PNPLA7: variants seen among roughly 807,000 people sequenced by gnomAD.
PNPLA7 encodes patatin-like phospholipase domain-containing protein 7.
PNPLA7 carries 153 observed loss-of-function variants against 161.7 expected under a neutral mutation model. That is an observed-to-expected ratio of 0.95 (90% CI 0.83 to 1.08). The LOEUF is 1.08. Among genes scored for constraint, PNPLA7 ranks in the 50% least tolerant of loss-of-function variants. The pLI is 0.00. For missense variants in PNPLA7, 1,739 were observed against 1,856.6 expected, an observed-to-expected ratio of 0.94 and a Z score of 1.16; for synonymous variants, 809 against 782.1, an observed-to-expected ratio of 1.03 and a Z score of -0.57.
At chr9:137,530,153 G>T (rs1270700745) in intron 8 of PNPLA7, among the ~76,000 whole-genome samples, 4 of 151,656 alleles carry the variant, frequency 2.6e-5, no homozygotes, top group Non-Finnish European at 5.9e-5. Flanking sequence ...TTTTAGTGGA[G>T]ACAGGGTTTA....
Position 137,467,638 on chromosome 9 carries a change from C to T in PNPLA7, c.2883-165G>A, listed in dbSNP as rs201982382. Among the ~76,000 whole-genome samples the T allele has an allele frequency of 2.6e-5, 4 of 152,382 alleles. No homozygotes were observed. In the East Asian group the frequency reaches 7.7e-4, roughly 29 times the overall value. On this transcript the variant is annotated intron_variant, in intron 25 of 34. Transcript: ENST00000406427. This position sits in a 1 kb window ranked among gnomAD's most constrained non-coding sequence, Gnocchi z 5.1. ...AAAACCCCTCTTTCCGGGCTCACGC[C>T]TGTCATCTCAGCACTTTGGGAGGCC...
rs1388644576 is a variant in PNPLA7 at position 137,540,625 on chromosome 9, G to A, written c.747+17C>T. The stretch of plus-strand genomic sequence containing the variant: ...CAACCCAGGGGCGCCCGGAGGGCCA[G>A]GCAGCGGGGGACTCACGGTGATGAT... On this transcript the variant is annotated intron_variant, in intron 8 of 34. Transcript: ENST00000406427. The surrounding 1 kb of genome is among the most constrained non-coding windows in gnomAD (Gnocchi z 5.1). The A allele has an allele frequency of 6.2e-7, 1 of 1,603,802 alleles. No homozygotes were observed. The highest frequency in any genetic ancestry group is 8.5e-7 in the Non-Finnish European group (1 of 1,175,622).
chr9:137,460,762 C>G (rs1831144113), intron 33 of PNPLA7, 25 bp from the exon 34 acceptor site: 1 of 1,595,944 alleles, frequency 6.3e-7, no homozygotes, highest in Non-Finnish European at 8.6e-7. Flanking sequence ...AGGGCTGCGT[C>G]AGTCCCCTCC....
At chr9:137,494,618 C>A (rs148978736) in intron 19 of PNPLA7, among the ~76,000 whole-genome samples, 566 of 151,180 alleles carry the variant, frequency 3.7e-3, no homozygotes, top group African/African-American at 0.013. Flanking sequence ...TCACCTGCTC[C>A]GTGACCTCAT....
At chr9:137,483,167 T>C (rs1002448929) in intron 21 of PNPLA7, among the ~76,000 whole-genome samples, 1 of 151,880 alleles carries the variant, frequency 6.6e-6, no homozygotes. Flanking sequence ...CCACCACGCC[T>C]GGCTTAAAAA....
intron 9 of PNPLA7, among the ~76,000 whole-genome samples, chr9:137,522,318 C>T (rs1564349939): frequency 6.6e-6 from 1 of 151,610 alleles, no homozygotes; most frequent in East Asian, 1.9e-4. Flanking sequence ...TCGTGATCCG[C>T]CCACCTCGGC....
At chr9:137,465,542 T>C (rs537478002) in intron 26 of PNPLA7, among the ~76,000 whole-genome samples, 10 of 152,306 alleles carry the variant, frequency 6.6e-5, no homozygotes, top group African/African-American at 1.9e-4. Context: ...CCTGGGGCCG[T>C]CCTGCTGCAT....
intron 32 of PNPLA7, 94 bp downstream of exon 32, chr9:137,461,837 A>T (rs1480412501): frequency 3.7e-6 from 5 of 1,357,986 alleles, no homozygotes; most frequent in Non-Finnish European, 4.9e-6. Flanking sequence ...TGGCCTGAGG[A>T]GCTGGGCGTG....
chr9:137,529,258 GT>G (rs1294460715), intron 8 of PNPLA7, among the ~76,000 whole-genome samples: 1 of 152,200 alleles, frequency 6.6e-6, no homozygotes, highest in African/African-American at 2.4e-5. Context: ...GCCTCCCACA[GT>G]GCTGGGATTA....
In PNPLA7 at chr9:137,478,070, T is replaced by C; in HGVS notation, c.2846A>G (p.Asn949Ser). 7.1e-7 allele frequency: 1 copy of C among 1,416,632 alleles called. No homozygotes were observed. Among genetic ancestry groups the C allele is most frequent in the Non-Finnish European group, 9.2e-7 (1 of 1,082,116 alleles). The allele number at this position is 1,416,632 out of a possible 1,614,324, so 87.8% of individuals were successfully genotyped here. The part of the protein sequence containing the change: ...FSRLARVLTG[N>S]AIALVLGGGG... ...TCCCCCAAGCACCAGGGCAATGGCG[T>C]TGCCCGTCAGCACCCTCGCCAGGCG... The change falls in exon 25 of 35, where the codon AAC becomes AGC. Residue 949 changes from asparagine (N) to serine (S), a missense_variant. Asn to Ser is a conservative substitution (Grantham distance 46, BLOSUM62 1). Transcript: ENST00000406427.
intron 19 of PNPLA7, among the ~76,000 whole-genome samples, chr9:137,494,290 C>T (rs1832920798): frequency 6.6e-6 from 1 of 152,134 alleles, no homozygotes. Flanking sequence ...GTGAGAGTCA[C>T]TTCCCTTTCC....
In PNPLA7 at chr9:137,490,444, G is replaced by A. The variant is rs982439465; in HGVS notation, c.2197+2569C>T. Among the ~76,000 whole-genome samples the A allele has an allele frequency of 6.6e-6, 1 of 152,196 alleles. No individual in the cohort carries two copies. The highest frequency in any genetic ancestry group is 1.5e-5 in the Non-Finnish European group (1 of 68,040). ...GAGAAATGATGCGTTACCTACTGGAGAACATCTGGATACCTGGATCCTTCA... is the reference window on the plus strand; with the variant it reads ...GAGAAATGATGCGTTACCTACTGGAAAACATCTGGATACCTGGATCCTTCA... On this transcript the variant is annotated intron_variant, in intron 20 of 34. Transcript: ENST00000406427. The surrounding 1 kb of genome is among the most constrained non-coding windows in gnomAD (Gnocchi z 4.1).
chr9:137,515,320 G>C, intron 12 of PNPLA7, 59 bp downstream of exon 12: 1 of 1,565,998 alleles, frequency 6.4e-7, no homozygotes, highest in Non-Finnish European at 8.6e-7. Flanking sequence ...CTCAGCCTGG[G>C]TCTCAGATGC....
intron 12 of PNPLA7, among the ~76,000 whole-genome samples, chr9:137,507,221 T>C (rs191897506): frequency 3.3e-4 from 50 of 152,328 alleles, no homozygotes; most frequent in African/African-American, 1.2e-3. Flanking sequence ...TTTAAAAAAA[T>C]CCGAACTGGA....
chr9:137,470,324 G>A (rs1831651955), intron 25 of PNPLA7, among the ~76,000 whole-genome samples: 1 of 152,092 alleles, frequency 6.6e-6, no homozygotes, highest in Non-Finnish European at 1.5e-5. Flanking sequence ...CCTCTTGGAA[G>A]GTTTTATGTA....
At chr9:137,470,662 CG>C (rs1391061849) in intron 25 of PNPLA7, among the ~76,000 whole-genome samples, 1 of 152,188 alleles carries the variant, frequency 6.6e-6, no homozygotes, top group African/African-American at 2.4e-5. Flanking sequence ...ATACCAAACC[CG>C]GTAAAGACAT....
rs1254821201 is a variant in PNPLA7 at position 137,461,977 on chromosome 9, T to C, written c.3710A>G (p.Lys1237Arg). The C allele has an allele frequency of 6.2e-7, 1 of 1,600,380 alleles. No individual in the cohort carries two copies. Among genetic ancestry groups the C allele is most frequent in the African/African-American group, 1.3e-5 (1 of 74,872 alleles). The change falls in exon 32 of 35, where the codon AAG becomes AGG. Residue 1237 changes from lysine to arginine, a missense_variant. Transcript: ENST00000406427. ...CGGCCCCTGCTGGTCGCGGAGCATC[T>C]TCTCCAGCACGCCGCTGCGGCCCCA... Reference protein sequence around the residue: ...DIWGRSGVLEKMLRDQQGPSK... With the variant: ...DIWGRSGVLERMLRDQQGPSK...
chr9:137,522,674 G>T, intron 9 of PNPLA7, 55 bp downstream of exon 9: 1 of 1,595,532 alleles, frequency 6.3e-7, no homozygotes, highest in Non-Finnish European at 8.6e-7. Flanking sequence ...CAGTGCCCAG[G>T]CCCCCCCAGG....
Position 137,543,892 on chromosome 9 carries a change from C to CACAGGCAGG in PNPLA7, c.274-78_274-77insCCTGCCTGT. On this transcript the variant is annotated intron_variant, in intron 4 of 34. Coordinates refer to ENST00000406427, the MANE Select transcript of PNPLA7 (RefSeq NM_001098537.3). The surrounding 1 kb of genome is among the most constrained non-coding windows in gnomAD (Gnocchi z 6.9). ...AAGCTCTTTGCCATGGGGATCAGTC[C>CACAGGCAGG]TCAGGACCTGCCTGTGGGCCTCCCA... 1.6e-6 allele frequency: 2 copies of CACAGGCAGG among 1,271,710 alleles called. No homozygotes were observed. The highest frequency in any genetic ancestry group is 2.3e-6 in the Non-Finnish European group (2 of 874,032). 78.8% of individuals were successfully genotyped at this position (1,271,710 alleles called of 1,614,324 possible).
Sources: gnomAD v4.1 joint callset for allele counts (sites outside exome capture counted in the v4.1 genomes callset) on GRCh38, gnomAD v4.1.1 for gene constraint, Gnocchi (gnomAD v3.1) non-coding constraint, MANE v1.5 for transcripts, NCBI Gene and HGNC (gene_info 2026-07-23, HGNC 2026-07-21) for gene names.